Variants in YLPM1 observed in about 807,000 individuals in gnomAD.
YLPM1 encodes the protein YLP motif-containing protein 1.
YLPM1 carries 99 observed loss-of-function variants against 230.0 expected under a neutral mutation model. The ratio of observed to expected loss-of-function variants is 0.43; its 90% CI spans 0.37 to 0.51. YLPM1 has a LOEUF of 0.51. Among genes scored for constraint, YLPM1 ranks in the 20% least tolerant of loss-of-function variants. YLPM1 has a pLI of 0.00. For synonymous variants in YLPM1, 984 were observed against 942.5 expected (o/e 1.04, Z -0.81); for missense variants, 2,592 against 2,707.7 (o/e 0.96, Z 0.95).
rs529924088 is a variant in YLPM1, at chr14:74,769,180, A to G, written c.873+4818A>G. On this transcript the variant is annotated intron_variant, in intron 1 of 20. Coordinates refer to ENST00000325680, the MANE Select transcript of YLPM1 (RefSeq NM_019589.3). ...AACCTCCGCCTTCCGGGTTTAAGCA[A>G]TTTTCTGCCTCAGCCTCCCTAGTAA... Among the ~76,000 whole-genome samples the G allele has an allele frequency of 3.1e-4, 46 of 148,118 alleles. 2 individuals are homozygous for G. The highest frequency in any genetic ancestry group is 7.4e-5 in the African/African-American group (3 of 40,406).
At position 74,782,069 on chromosome 14, in the gene YLPM1, T is replaced by G. The variant is rs904304852; in HGVS notation, c.2026T>G (p.Ser676Ala). 1.9e-6 allele frequency: 3 copies of G among 1,613,894 alleles called. No homozygotes were observed. The African/African-American group carries it at 4.0e-5, about 22-fold the overall frequency. ...PRPALLPTPVSFGSAPPTTYH... is the reference protein window; with the variant it reads ...PRPALLPTPVAFGSAPPTTYH... ...ACCAGCACTGCTTCCTACTCCTGTG[T>G]CTTTTGGTTCTGCCCCACCGACAAC... The change falls in exon 4 of 21, where the codon TCT becomes GCT. Residue 676 changes from serine (S) to alanine (A), a missense_variant. Ser to Ala is a moderately conservative substitution (Grantham distance 99, BLOSUM62 1). This residue lies in a region of YLPM1 where 1,862 missense variants were observed against 1,819.8 expected (regional missense o/e 1.02). Coordinates refer to ENST00000325680, the MANE Select transcript of YLPM1 (RefSeq NM_019589.3).
intron 1 of YLPM1, among the ~76,000 whole-genome samples, chr14:74,767,471 C>G (rs2090924189): frequency 6.6e-6 from 1 of 152,156 alleles, no homozygotes; most frequent in South Asian, 2.1e-4. Flanking sequence ...TTCTCAGCTT[C>G]GGCACTATGG....
intron 18 of YLPM1, chr14:74,827,479 C>G (rs1460037019): frequency 1.0e-6 from 1 of 985,282 alleles, no homozygotes; most frequent in East Asian, 1.1e-4. Context: ...GGTGCTCAGA[C>G]TAGAAATACA....
chr14:74,794,200 T>C (rs1018720015), intron 4 of YLPM1, among the ~76,000 whole-genome samples: 1 of 152,182 alleles, frequency 6.6e-6, no homozygotes, highest in African/African-American at 2.4e-5. Flanking sequence ...CTTTTTTTTT[T>C]GAGACAAAGT....
rs953972281 is a variant in YLPM1, at chr14:74,797,290, CT to C, written c.2283-289del. 7.2e-5 allele frequency among the ~76,000 whole-genome samples: 11 copies of C among 151,756 alleles called. No homozygotes were observed. In the South Asian group the frequency reaches 8.3e-4, roughly 11 times the overall value. The stretch of plus-strand genomic sequence containing the variant: ...ACAAGTGTGAGCCACTGCGCCAGGC[CT>C]GTAATTGCTTTTTAACCGTTCAGTA... On this transcript the variant is annotated intron_variant, in intron 4 of 20. Coordinates refer to ENST00000325680, the MANE Select transcript of YLPM1 (RefSeq NM_019589.3).
intron 1 of YLPM1, 44 bp from the exon 2 acceptor site, chr14:74,778,403 A>G (rs774745564): frequency 6.6e-7 from 1 of 1,522,264 alleles, no homozygotes; most frequent in South Asian, 1.2e-5. Context: ...TTGCAGAGAT[A>G]CATGATTGTC....
intron 18 of YLPM1, chr14:74,828,158 C>A: frequency 3.7e-6 from 1 of 270,954 alleles, no homozygotes; most frequent in Non-Finnish European, 5.7e-6. Flanking sequence ...GCTTTCATTG[C>A]ACTTTTCATA....
intron 9 of YLPM1, among the ~76,000 whole-genome samples, chr14:74,811,207 C>T (rs1265432158): frequency 1.3e-5 from 2 of 151,988 alleles, no homozygotes; most frequent in African/African-American, 2.4e-5. Flanking sequence ...ATTGGCCGGG[C>T]GTAGTGGCTC....
At chr14:74,811,366 C>T (rs1229846769) in intron 9 of YLPM1, among the ~76,000 whole-genome samples, 1 of 151,790 alleles carries the variant, frequency 6.6e-6, no homozygotes, top group African/African-American at 2.4e-5. Context: ...ACCTGTAGTC[C>T]CAGCTACTCA....
rs754537678 is a variant in YLPM1, at chr14:74,835,450, A to G, written c.*36+3A>G. ...AACGGAGTCATTATTCCTCTAAGGT[A>G]AGAGTACACAGTCATATAAATAGCC... On this transcript the variant is annotated splice_donor_region_variant and intron_variant, in intron 20 of 20. Coordinates refer to ENST00000325680, the MANE Select transcript of YLPM1 (RefSeq NM_019589.3). The G allele has an allele frequency of 4.4e-6, 7 of 1,607,472 alleles. No individual in the cohort carries two copies. Among genetic ancestry groups the G allele is most frequent in the East Asian group, 2.2e-5 (1 of 44,826 alleles).
rs1212278201 is a variant in YLPM1 at position 74,802,570 on chromosome 14, A to C, written c.4415A>C (p.Gln1472Pro). ...ELKMLREQKE[Q>P]LQKMKDFGSE... ...TTTGTTTGCAGGGAACAGAAAGAAC[A>C]GCTTCAAAAGATGAAAGACTTCGGG... The change falls in exon 6 of 21, where the codon CAG becomes CCG. Residue 1472 changes from glutamine to proline, a missense_variant. Physicochemically the swap from Gln to Pro is moderately conservative, Grantham distance 76 (BLOSUM62 -1). Coordinates refer to ENST00000325680, the MANE Select transcript of YLPM1 (RefSeq NM_019589.3). The C allele has an allele frequency of 1.2e-6, 2 of 1,612,454 alleles. No homozygotes were observed. Among genetic ancestry groups the C allele is most frequent in the Non-Finnish European group, 1.7e-6 (2 of 1,179,448 alleles).
At chr14:74,833,250 T>TA (rs1206870089) in intron 19 of YLPM1, among the ~76,000 whole-genome samples, 1 of 152,108 alleles carries the variant, frequency 6.6e-6, no homozygotes, top group Non-Finnish European at 1.5e-5. Context: ...GAATTAAATT[T>TA]AATTAATTAA....
chr14:74,799,442 C>T lies in YLPM1; in HGVS notation c.4145C>T (p.Thr1382Ile). 4 of 1,613,968 alleles carry T rather than the reference C, an allele frequency of 2.5e-6. No homozygotes were observed. Among genetic ancestry groups the T allele is most frequent in the South Asian group, 2.2e-5 (2 of 91,068 alleles). ...RIREYPERGDTWREKRDYVPD... is the reference protein window; with the variant it reads ...RIREYPERGDIWREKRDYVPD... ...CGAGAGTATCCAGAAAGAGGAGATA[C>T]ATGGCGGGAAAAGCGAGATTATGTT... is the stretch of plus-strand genomic sequence containing the variant. Residue 1382 changes from threonine (T) to isoleucine (I), a missense_variant, in exon 5 of 21, where the codon ACA (threonine) becomes ATA (isoleucine). By Grantham distance (89) the Thr-to-Ile change is moderately conservative (BLOSUM62 -1). Coordinates refer to ENST00000325680, the MANE Select transcript of YLPM1 (RefSeq NM_019589.3).
chr14:74,767,031 A>G (rs945951205), intron 1 of YLPM1, among the ~76,000 whole-genome samples: 1 of 151,342 alleles, frequency 6.6e-6, no homozygotes, highest in East Asian at 2.0e-4. Flanking sequence ...TTACAAGTGC[A>G]TGCCACCACG....
At chr14:74,806,411 C>G (rs1042649681) in intron 6 of YLPM1, among the ~76,000 whole-genome samples, 2 of 151,780 alleles carry the variant, frequency 1.3e-5, no homozygotes, top group Admixed American at 1.3e-4. Context: ...CATGGTGAAC[C>G]CTCGCCTCTA....
At chr14:74,785,693 G>C (rs1236953794) in intron 4 of YLPM1, among the ~76,000 whole-genome samples, 1 of 152,158 alleles carries the variant, frequency 6.6e-6, no homozygotes, top group Non-Finnish European at 1.5e-5. Context: ...AAAAACAAGA[G>C]TTTAGAACAC....
chr14:74,774,702 C>T (rs972246898), intron 1 of YLPM1, among the ~76,000 whole-genome samples: 30 of 151,932 alleles, frequency 2.0e-4, no homozygotes, highest in African/African-American at 6.8e-4. Context: ...CACTGCGCTC[C>T]GCCTTTTTTT....
At chr14:74,835,544 T>C in intron 20 of YLPM1, 97 bp downstream of exon 20, 1 of 1,051,042 alleles carries the variant, frequency 9.5e-7, no homozygotes, top group Non-Finnish European at 1.4e-6. Flanking sequence ...TGCTCTCTTC[T>C]TGTGTTATTT....
Position 74,763,473 on chromosome 14 carries a change from G to A in YLPM1, c.-17G>A. ...GAGTAACGGCGCCAGGACGAGCCCTGCGCCTTCTTTTTCGATATGTACCCG... is the reference window on the plus strand; with the variant it reads ...GAGTAACGGCGCCAGGACGAGCCCTACGCCTTCTTTTTCGATATGTACCCG... On this transcript the variant is annotated 5_prime_UTR_variant, in exon 1 of 21. Coordinates refer to ENST00000325680, the MANE Select transcript of YLPM1 (RefSeq NM_019589.3). 1 of 1,439,624 alleles carries A rather than the reference G, an allele frequency of 6.9e-7. No individual in the cohort carries two copies. The highest frequency in any genetic ancestry group is 1.5e-5 in the South Asian group (1 of 66,132). The allele number at this position is 1,439,624 out of a possible 1,614,324, so 89.2% of individuals were successfully genotyped here. A position where few individuals can be genotyped will look rare whatever the true frequency, so the allele number is the denominator to read the frequency against.
Sources: gnomAD v4.1 joint callset for allele counts (sites outside exome capture counted in the v4.1 genomes callset) on GRCh38, gnomAD v4.1.1 for gene constraint, gnomAD v4.1.1 regional missense constraint, MANE v1.5 for transcripts, NCBI Gene and HGNC (gene_info 2026-07-23, HGNC 2026-07-21) for gene names.